The following SLC30A6 variants were observed in gnomAD, a reference collection of about 807,000 sequenced individuals.
The protein encoded by SLC30A6 is zinc transporter 6.
A neutral mutation model predicts 63.0 loss-of-function variants in SLC30A6; 55 were observed. The ratio of observed to expected loss-of-function variants is 0.87; its 90% CI spans 0.70 to 1.09. The LOEUF (loss-of-function observed/expected upper bound fraction) is 1.09, where lower values mean the gene tolerates loss of function less well. Among genes scored for constraint, SLC30A6 ranks in the 50% least tolerant of loss-of-function variants. SLC30A6 has a pLI of 0.00. For synonymous variants in SLC30A6, 224 were observed against 186.1 expected, an observed-to-expected ratio of 1.20 and a Z score of -1.66; for missense variants, 587 against 549.2, an observed-to-expected ratio of 1.07 and a Z score of -0.69.
intron 1 of SLC30A6, 91 bp downstream of exon 1, chr2:32,165,994 C>A: frequency 6.4e-7 from 1 of 1,563,084 alleles, no homozygotes; most frequent in Admixed American, 1.7e-5. Context: ...CCTCAGCCAC[C>A]CAGAGGAGGG....
intron 11 of SLC30A6, among the ~76,000 whole-genome samples, chr2:32,205,770 C>T (rs561408712): frequency 6.9e-6 from 1 of 145,348 alleles, no homozygotes; most frequent in Non-Finnish European, 1.5e-5. Flanking sequence ...TGGGTTCAAG[C>T]GATTCTCCTA....
intron 9 of SLC30A6, 47 bp from the exon 10 acceptor site, chr2:32,197,660 T>C (rs748054690): frequency 6.2e-7 from 1 of 1,611,332 alleles, no homozygotes; most frequent in East Asian, 2.2e-5. Flanking sequence ...TCACCAGTTT[T>C]ATGTGAGTTC....
At chr2:32,199,687 C>T (rs945917244) in intron 10 of SLC30A6, among the ~76,000 whole-genome samples, 3 of 152,144 alleles carry the variant, frequency 2.0e-5, no homozygotes, top group African/African-American at 7.2e-5. Context: ...CCATCCCCCA[C>T]ATCCCCCCAA....
intron 13 of SLC30A6, among the ~76,000 whole-genome samples, chr2:32,214,777 G>A (rs1468717306): frequency 1.3e-5 from 2 of 152,130 alleles, no homozygotes; most frequent in African/African-American, 4.8e-5. Flanking sequence ...GACTTTTCAA[G>A]TTCATACTCT....
At chr2:32,177,504 C>T in intron 4 of SLC30A6, 1 of 245,542 alleles carries the variant, frequency 4.1e-6, no homozygotes. Context: ...TTTGGCTGGG[C>T]TGGTCTCAAA....
chr2:32,217,131 C>G (rs1685782050), intron 13 of SLC30A6, among the ~76,000 whole-genome samples: 1 of 151,894 alleles, frequency 6.6e-6, no homozygotes. Flanking sequence ...CTCCTGACCT[C>G]AGGTGATCTG....
chr2:32,165,885 T>G lies in SLC30A6; in HGVS notation c.-16T>G. Reference sequence around the variant, plus strand: ...ACCCAGAACGGCTTCCGGCGGGAGCTGTGCAGCTCCTTATCATGGTGAGTT... The same window carrying G: ...ACCCAGAACGGCTTCCGGCGGGAGCGGTGCAGCTCCTTATCATGGTGAGTT... On this transcript the variant is annotated 5_prime_UTR_variant, in exon 1 of 14. Transcript: ENST00000282587. 1 of 1,614,028 alleles carries G rather than the reference T, an allele frequency of 6.2e-7. No individual in the cohort carries two copies.
At chr2:32,189,780 T>A (rs1683166321) in intron 5 of SLC30A6, among the ~76,000 whole-genome samples, 1 of 151,820 alleles carries the variant, frequency 6.6e-6, no homozygotes, top group African/African-American at 2.4e-5. Context: ...GGCTAATTTT[T>A]AAAATATTTT....
At chr2:32,206,564 A>T (rs1684794102) in intron 11 of SLC30A6, among the ~76,000 whole-genome samples, 1 of 152,220 alleles carries the variant, frequency 6.6e-6, no homozygotes, top group Non-Finnish European at 1.5e-5. Context: ...AAATAAAAAT[A>T]AGATAATAGT....
Position 32,220,837 on chromosome 2 carries a change from C to T in SLC30A6, c.*124C>T. On this transcript the variant is annotated 3_prime_UTR_variant, in exon 14 of 14. Coordinates refer to ENST00000282587, the MANE Select transcript of SLC30A6 (RefSeq NM_017964.5). ...TGTTAGATAATAGTAGTCTTGTTCA[C>T]ATTTCATGAAACCTATGAAACTATA... The T allele has an allele frequency of 1.1e-6, 1 of 881,220 alleles. No individual in the cohort carries two copies. The highest frequency in any genetic ancestry group is 2.6e-5 in the East Asian group (1 of 38,076). 54.6% of individuals were successfully genotyped at this position (881,220 alleles called of 1,614,324 possible).
intron 4 of SLC30A6, among the ~76,000 whole-genome samples, chr2:32,179,813 A>G (rs190763589): frequency 1.3e-5 from 2 of 152,338 alleles, no homozygotes; most frequent in Non-Finnish European, 2.9e-5. Context: ...TACATAGGAA[A>G]GATAAACAAA....
intron 13 of SLC30A6, 122 bp downstream of exon 13, chr2:32,209,683 G>A (rs1685086575): frequency 1.3e-6 from 1 of 791,920 alleles, no homozygotes; most frequent in East Asian, 2.8e-5. Context: ...ATGTTAAGCA[G>A]AGTCTAAAAT....
chr2:32,207,740 G>A (rs1282433975), intron 12 of SLC30A6, among the ~76,000 whole-genome samples: 5 of 120,482 alleles, frequency 4.1e-5, no homozygotes, highest in African/African-American at 1.3e-4. Flanking sequence ...TCGCTCTGTC[G>A]CCCAGGCTGG....
intron 13 of SLC30A6, among the ~76,000 whole-genome samples, chr2:32,216,986 T>C (rs1685767452): frequency 6.6e-6 from 1 of 152,076 alleles, no homozygotes; most frequent in African/African-American, 2.4e-5. Flanking sequence ...CCTCCTGGGT[T>C]CAAGTGATTT....
chr2:32,215,682 T>C (rs1365806630), intron 13 of SLC30A6, among the ~76,000 whole-genome samples: 1 of 151,674 alleles, frequency 6.6e-6, no homozygotes, highest in African/African-American at 2.4e-5. Context: ...TTCTGTTTTT[T>C]ATTTTTCTTT....
chr2:32,199,143 G>A (rs973621049), intron 10 of SLC30A6, among the ~76,000 whole-genome samples: 2 of 152,166 alleles, frequency 1.3e-5, no homozygotes, highest in Admixed American at 1.3e-4. Flanking sequence ...GTTCATCTAT[G>A]TTGTAACATG....
chr2:32,211,800 A>G (rs1685280084), intron 13 of SLC30A6, among the ~76,000 whole-genome samples: 1 of 151,418 alleles, frequency 6.6e-6, no homozygotes, highest in Non-Finnish European at 1.5e-5. Flanking sequence ...GTTTTTTTTT[A>G]GTAGAGATGG....
In SLC30A6 at chr2:32,197,801, A is replaced by G; in HGVS notation, c.640A>G (p.Ile214Val). ...TCTTGCTGGAGCATTTGCTCTTTGT[A>G]TTACATATATGCTCATTGAAATTAA... ...IDLAGAFALC[I>V]TYMLIEINNY... Residue 214 changes from isoleucine to valine, a missense_variant, in exon 10 of 14, where the codon ATT (isoleucine) becomes GTT (valine). Transcript: ENST00000282587. 6.2e-7 allele frequency: 1 copy of G among 1,614,008 alleles called. No individual in the cohort carries two copies. Among genetic ancestry groups the G allele is most frequent in the Non-Finnish European group, 8.5e-7 (1 of 1,179,990 alleles).
chr2:32,184,649 C>T (rs868628086), intron 5 of SLC30A6, among the ~76,000 whole-genome samples: 1 of 152,064 alleles, frequency 6.6e-6, no homozygotes, highest in Non-Finnish European at 1.5e-5. Context: ...CCTGTAATTC[C>T]AGCTACTTGA....
Sources: allele counts gnomAD v4.1 joint callset (sites outside exome capture counted in the v4.1 genomes callset), GRCh38; gene constraint gnomAD v4.1.1; transcripts MANE v1.5; gene names NCBI Gene and HGNC (gene_info 2026-07-23, HGNC 2026-07-21).